The following SLC9A9 variants were observed in gnomAD, a reference collection of about 807,000 sequenced individuals.
The protein encoded by SLC9A9 is sodium/hydrogen exchanger 9.
SLC9A9 carries 62 observed loss-of-function variants against 77.8 expected under a neutral mutation model. The observed-to-expected ratio is 0.80, with a 90% CI of 0.65 to 0.98. SLC9A9 has a LOEUF of 0.98. Ranked by LOEUF, SLC9A9 falls within the 50% of genes least tolerant of loss-of-function variation. The probability of loss-of-function intolerance (pLI) is 0.00; values close to 1 mark genes in which losing one functional copy is unlikely to be tolerated. For missense variants in SLC9A9, 775 were observed against 774.9 expected, an observed-to-expected ratio of 1.00 and a Z score of 0.00; for synonymous variants, 320 against 283.5, an observed-to-expected ratio of 1.13 and a Z score of -1.29.
At chr3:143,784,572 T>C (rs1046398690) in intron 4 of SLC9A9, among the ~76,000 whole-genome samples, 1 of 151,394 alleles carries the variant, frequency 6.6e-6, no homozygotes, top group African/African-American at 2.4e-5. Flanking sequence ...TTGCCCTGGC[T>C]GGTCTCTAAC....
chr3:143,737,497 A>AC lies in SLC9A9; in HGVS notation c.534-44191dup, dbSNP rs556160721. Among the ~76,000 whole-genome samples the AC allele has an allele frequency of 1.7e-3, 258 of 151,132 alleles. 1 individual carries two copies. The highest frequency in any genetic ancestry group is 4.8e-3 in the African/African-American group (195 of 40,672). ...AGTTAAAAAAAAAACCAAAAAAAAAACCCACAAAACTCTCACGAATGGCAG... is the reference window on the plus strand; with the variant it reads ...AGTTAAAAAAAAAACCAAAAAAAAAACCCCACAAAACTCTCACGAATGGCAG... On this transcript the variant is annotated intron_variant, in intron 4 of 15. Coordinates refer to ENST00000316549, the MANE Select transcript of SLC9A9 (RefSeq NM_173653.4).
chr3:143,798,637 G>A (rs11711676), intron 2 of SLC9A9, among the ~76,000 whole-genome samples: 38,212 of 151,980 alleles, frequency 0.25, 5,366 homozygotes, highest in African/African-American at 0.36. Flanking sequence ...CTTGACCCCA[G>A]TAGAAACTCG....
At chr3:143,715,394 A>AT (rs1468836528) in intron 4 of SLC9A9, among the ~76,000 whole-genome samples, 2 of 151,988 alleles carry the variant, frequency 1.3e-5, no homozygotes, top group Non-Finnish European at 2.9e-5. Context: ...TACTTCTTAC[A>AT]TTTTTTGCCT....
At chr3:143,632,675 G>T (rs894006466) in intron 6 of SLC9A9, among the ~76,000 whole-genome samples, 11 of 152,086 alleles carry the variant, frequency 7.2e-5, no homozygotes, top group Non-Finnish European at 1.3e-4. Context: ...TTAGTAATTT[G>T]GAACTTAAAG....
intron 6 of SLC9A9, among the ~76,000 whole-genome samples, chr3:143,581,965 G>T (rs1368801203): frequency 6.6e-6 from 1 of 152,236 alleles, no homozygotes; most frequent in Non-Finnish European, 1.5e-5. Flanking sequence ...ACAGCCTGTT[G>T]TTTGGCACAT....
chr3:143,765,001 T>TTCTCTCTTTC (rs2007259081), intron 4 of SLC9A9, among the ~76,000 whole-genome samples: 3 of 143,554 alleles, frequency 2.1e-5, no homozygotes, highest in Non-Finnish European at 3.0e-5. Flanking sequence ...CTTCCTTCCT[T>TTCTCTCTTTC]TCTTTCTTTC....
chr3:143,317,689 T>A (rs1453119229), intron 14 of SLC9A9, among the ~76,000 whole-genome samples: 1 of 40,080 alleles, frequency 2.5e-5, no homozygotes, highest in African/African-American at 1.7e-4. Flanking sequence ...CTATGTTCCA[T>A]TTTCCTTATG....
intron 4 of SLC9A9, among the ~76,000 whole-genome samples, chr3:143,776,967 T>A (rs1297540347): frequency 2.0e-5 from 3 of 152,170 alleles, no homozygotes; most frequent in African/African-American, 7.2e-5. Flanking sequence ...ATATAAAAAT[T>A]ATCTTTTGTG....
intron 10 of SLC9A9, among the ~76,000 whole-genome samples, chr3:143,494,197 C>T (rs921497321): frequency 6.6e-6 from 1 of 152,170 alleles, no homozygotes. Context: ...TTTATATTTC[C>T]TATATCTAGC....
At chr3:143,283,458 C>T (rs1026011412) in intron 14 of SLC9A9, among the ~76,000 whole-genome samples, 2 of 152,220 alleles carry the variant, frequency 1.3e-5, no homozygotes, top group Non-Finnish European at 2.9e-5. Flanking sequence ...ACTGCCTGCA[C>T]TAGAAATGCT....
intron 9 of SLC9A9, among the ~76,000 whole-genome samples, chr3:143,536,545 T>C (rs965528128): frequency 1.3e-5 from 2 of 152,210 alleles, no homozygotes; most frequent in African/African-American, 4.8e-5. Context: ...CTACAATGAA[T>C]CTGTGCATCT....
At chr3:143,783,221 G>T (rs1432690089) in intron 4 of SLC9A9, among the ~76,000 whole-genome samples, 1 of 152,062 alleles carries the variant, frequency 6.6e-6, no homozygotes, top group Non-Finnish European at 1.5e-5. Flanking sequence ...CAGAACACAG[G>T]TCTCAAGTAC....
At chr3:143,840,950 T>C (rs891020308) in intron 1 of SLC9A9, among the ~76,000 whole-genome samples, 1 of 152,130 alleles carries the variant, frequency 6.6e-6, no homozygotes, top group African/African-American at 2.4e-5. Context: ...ATAATGCATA[T>C]AGTTACATAT....
intron 8 of SLC9A9, among the ~76,000 whole-genome samples, chr3:143,572,731 T>G (rs1425240967): frequency 6.6e-6 from 1 of 152,210 alleles, no homozygotes; most frequent in Non-Finnish European, 1.5e-5. Context: ...GCTTTCTGTA[T>G]TGGCAGCAAA....
chr3:143,845,019 G>A (rs895579000), intron 1 of SLC9A9, among the ~76,000 whole-genome samples: 3 of 152,014 alleles, frequency 2.0e-5, no homozygotes, highest in African/African-American at 7.2e-5. Context: ...TCCTGGAAAA[G>A]AGAATCTGGC....
Position 143,422,013 on chromosome 3 carries a change from C to T in SLC9A9, c.1470-39899G>A, listed in dbSNP as rs551805640. 3.9e-5 allele frequency among the ~76,000 whole-genome samples: 6 copies of T among 152,136 alleles called. No individual in the cohort carries two copies. In the South Asian group the frequency reaches 6.2e-4, roughly 16 times the overall value. On this transcript the variant is annotated intron_variant, in intron 12 of 15. Coordinates refer to ENST00000316549, the MANE Select transcript of SLC9A9 (RefSeq NM_173653.4). The stretch of plus-strand genomic sequence containing the variant: ...ATGCTGAACATCACTAATCAGAAAA[C>T]GCAAATCAAAACCACAATATGATAT...
intron 14 of SLC9A9, among the ~76,000 whole-genome samples, chr3:143,283,522 T>C (rs950500019): frequency 5.3e-5 from 8 of 152,222 alleles, no homozygotes; most frequent in African/African-American, 1.9e-4. Flanking sequence ...TGAGACTGGG[T>C]ATCACAGATA....
chr3:143,265,244 A>T lies in SLC9A9; in HGVS notation c.*1458T>A, dbSNP rs1937676709. 2 of 152,254 alleles carry T rather than the reference A, an allele frequency of 1.3e-5. No individual in the cohort carries two copies. Among genetic ancestry groups the T allele is most frequent in the Admixed American group, 6.5e-5 (1 of 15,288 alleles). The allele number at this position is 152,254 out of a possible 1,614,324, so 9.4% of individuals were successfully genotyped here. On this transcript the variant is annotated 3_prime_UTR_variant, in exon 16 of 16. Transcript: ENST00000316549. ...TCATACTTTGTAACAAAAATTTATT[A>T]GGATTAAGTCAAATTAGAAAACTTC...
intron 13 of SLC9A9, among the ~76,000 whole-genome samples, chr3:143,374,003 T>C (rs140715025): frequency 9.5e-4 from 144 of 152,122 alleles, no homozygotes; most frequent in African/African-American, 3.2e-3. Context: ...CTAAGAAAAC[T>C]AGGCATATAA....
Sources: gnomAD v4.1 joint callset for allele counts (sites outside exome capture counted in the v4.1 genomes callset) on GRCh38, gnomAD v4.1.1 for gene constraint, MANE v1.5 for transcripts, NCBI Gene and HGNC (gene_info 2026-07-23, HGNC 2026-07-21) for gene names.